The following JMJD1C variants were observed in gnomAD, a reference collection of about 807,000 sequenced individuals.
The protein encoded by JMJD1C is jumonji domain-containing protein 1C.
JMJD1C carries 31 observed loss-of-function variants against 245.3 expected under a neutral mutation model. The ratio of observed to expected loss-of-function variants is 0.13; its 90% CI spans 0.09 to 0.17. JMJD1C has a LOEUF of 0.17. Ranked by LOEUF, JMJD1C falls within the 10% of genes least tolerant of loss-of-function variation. The pLI is 1.00. For missense variants in JMJD1C, 2,691 were observed against 3,000.2 expected, an observed-to-expected ratio of 0.90 and a Z score of 2.41; for synonymous variants, 1,057 against 1,017.4, an observed-to-expected ratio of 1.04 and a Z score of -0.74.
chr10:63,215,710 C>CAAAAA lies in JMJD1C; in HGVS notation c.679-15_679-14insTTTTT. On this transcript the variant is annotated splice_polypyrimidine_tract_variant and intron_variant, in intron 5 of 25. Transcript: ENST00000399262. ...TGGTTCTAGTACCTAATCCATGATACAAAACAAAAACAAAAATTAAATAGA... is the reference window on the plus strand; with the variant it reads ...TGGTTCTAGTACCTAATCCATGATACAAAAAAAAACAAAAACAAAAATTAAATAGA... 6 of 1,507,194 alleles carry CAAAAA rather than the reference C, an allele frequency of 4.0e-6. No homozygotes were observed. The highest frequency in any genetic ancestry group is 5.4e-6 in the Non-Finnish European group (6 of 1,119,338). The allele number at this position is 1,507,194 out of a possible 1,614,324, so 93.4% of individuals were successfully genotyped here.
intron 1 of JMJD1C, among the ~76,000 whole-genome samples, chr10:63,408,964 G>A (rs1031924967): frequency 1.3e-5 from 2 of 152,202 alleles, no homozygotes; most frequent in Middle Eastern, 6.8e-3. Context: ...ACGTAACTTA[G>A]GGAGTATCTG....
intron 20 of JMJD1C, among the ~76,000 whole-genome samples, 196 bp from the exon 21 acceptor site, chr10:63,184,934 T>C (rs926897051): frequency 6.6e-6 from 1 of 152,086 alleles, no homozygotes; most frequent in African/African-American, 2.4e-5. Context: ...AAAGCTCCAA[T>C]AGAAGGGAGG....
intron 1 of JMJD1C, among the ~76,000 whole-genome samples, chr10:63,416,712 T>G (rs1483973883): frequency 6.6e-6 from 1 of 152,206 alleles, no homozygotes; most frequent in Non-Finnish European, 1.5e-5. Flanking sequence ...ATAACTTAGC[T>G]TTGTAATAAA....
At chr10:63,253,682 G>A (rs924259800) in intron 3 of JMJD1C, among the ~76,000 whole-genome samples, 1 of 152,028 alleles carries the variant, frequency 6.6e-6, no homozygotes, top group African/African-American at 2.4e-5. Context: ...CACCGCGCCC[G>A]GCCTCATTTT....
intron 1 of JMJD1C, among the ~76,000 whole-genome samples, chr10:63,438,006 C>G (rs969045916): frequency 1.3e-5 from 2 of 152,140 alleles, no homozygotes; most frequent in African/African-American, 4.8e-5. Flanking sequence ...TCAACTCATT[C>G]AGTCTGATAG....
chr10:63,355,894 G>T (rs183539848), intron 2 of JMJD1C, among the ~76,000 whole-genome samples: 22 of 152,180 alleles, frequency 1.4e-4, no homozygotes, highest in African/African-American at 4.8e-4. Context: ...AAAGCCCAAA[G>T]AAACCACAAT....
At position 63,206,974 on chromosome 10, in the gene JMJD1C, A is replaced by C. The variant is rs1163608474; in HGVS notation, c.4695T>G (p.Thr1565=). 28 of 1,611,338 alleles carry C rather than the reference A, an allele frequency of 1.7e-5. No homozygotes were observed. The highest frequency in any genetic ancestry group is 2.3e-5 in the Non-Finnish European group (27 of 1,179,326). The change falls in exon 10 of 26, where the codon ACT becomes ACG. Residue 1565 remains threonine (T), a synonymous_variant. Transcript: ENST00000399262. The part of the protein sequence containing the change: ...LTRHSEEDKN[T]NKMENSGNSV... ...AATTCCCTGAATTTTCCATTTTATT[A>C]GTATTTTTATCTTCTTCTGAGTGTC... is the stretch of plus-strand genomic sequence containing the variant.
chr10:63,243,126 A>ATATATATATATATAT (rs1564669004), intron 3 of JMJD1C, among the ~76,000 whole-genome samples: 8 of 43,056 alleles, frequency 1.9e-4, no homozygotes, highest in South Asian at 8.7e-4. Flanking sequence ...TATATATATA[A>ATATATATATATATAT]ATATATATAT....
chr10:63,360,807 CAG>C (rs1449475392), intron 2 of JMJD1C, among the ~76,000 whole-genome samples: 1 of 151,786 alleles, frequency 6.6e-6, no homozygotes, highest in African/African-American at 2.4e-5. Context: ...ATTTTTGAGA[CAG>C]AGTCTCACTC....
intron 1 of JMJD1C, among the ~76,000 whole-genome samples, chr10:63,433,744 T>C (rs941222532): frequency 6.6e-6 from 1 of 151,224 alleles, no homozygotes; most frequent in Non-Finnish European, 1.5e-5. Context: ...TACCACCACA[T>C]GCAGTTAATT....
At chr10:63,396,734 G>T (rs998260583) in intron 1 of JMJD1C, among the ~76,000 whole-genome samples, 1 of 151,388 alleles carries the variant, frequency 6.6e-6, no homozygotes, top group Admixed American at 6.6e-5. Context: ...GTAGAGAAGA[G>T]AAACTAATAA....
At chr10:63,468,549 C>G (rs1409900172), upstream of JMJD1C, among the ~76,000 whole-genome samples, 2 of 152,088 alleles carry the variant, frequency 1.3e-5, no homozygotes, top group Non-Finnish European at 2.9e-5. Flanking sequence ...TACTCGGAAA[C>G]AGAAGAGTAA....
chr10:63,421,564 A>C (rs1950128280), intron 1 of JMJD1C, among the ~76,000 whole-genome samples: 1 of 152,210 alleles, frequency 6.6e-6, no homozygotes, highest in African/African-American at 2.4e-5. Flanking sequence ...TACTTTGTGT[A>C]CTTTTTGTTA....
At position 63,420,840 on chromosome 10, in the gene JMJD1C, C is replaced by G. The variant is rs180971697; in HGVS notation, c.169-40358G>C. 6.6e-4 allele frequency among the ~76,000 whole-genome samples: 100 copies of G among 150,584 alleles called. 1 individual carries two copies. The highest frequency in any genetic ancestry group is 6.3e-3 in the South Asian group (30 of 4,792). On this transcript the variant is annotated intron_variant, in intron 1 of 25. Coordinates refer to ENST00000399262, the MANE Select transcript of JMJD1C (RefSeq NM_032776.3). ...AAGTAAAAGGAAAGAAAATAAAGAGCAGAGCAGAAAACAACAAAGTACAAA... is the reference window on the plus strand; with the variant it reads ...AAGTAAAAGGAAAGAAAATAAAGAGGAGAGCAGAAAACAACAAAGTACAAA...
chr10:63,396,813 A>G (rs992644750), intron 1 of JMJD1C, among the ~76,000 whole-genome samples: 6 of 151,840 alleles, frequency 4.0e-5, no homozygotes, highest in African/African-American at 1.5e-4. Context: ...AAAAAAAAGT[A>G]TAAAATTTAA....
intron 10 of JMJD1C, chr10:63,202,437 C>CATT: frequency 1.0e-6 from 1 of 985,296 alleles, no homozygotes; most frequent in African/African-American, 1.7e-5. Context: ...GTTTTCTAAT[C>CATT]ATGCCCAATG....
intron 10 of JMJD1C, among the ~76,000 whole-genome samples, chr10:63,200,906 G>A (rs895552699): frequency 1.3e-5 from 2 of 152,144 alleles, no homozygotes; most frequent in Non-Finnish European, 2.9e-5. Flanking sequence ...TTATGTCAGT[G>A]TACTGAAAAT....
At chr10:63,194,179 T>C (rs1845179930) in intron 14 of JMJD1C, 107 bp downstream of exon 14, 2 of 742,088 alleles carry the variant, frequency 2.7e-6, no homozygotes, top group Non-Finnish European at 4.9e-6. Context: ...AATTCAAAAC[T>C]AGTTAAATCT....
intron 3 of JMJD1C, among the ~76,000 whole-genome samples, chr10:63,242,913 C>T (rs1851668542): frequency 6.6e-6 from 1 of 151,406 alleles, no homozygotes; most frequent in Non-Finnish European, 1.5e-5. Flanking sequence ...TGATATCATA[C>T]CTATTTTATA....
Sources: allele counts gnomAD v4.1 joint callset (sites outside exome capture counted in the v4.1 genomes callset), GRCh38; gene constraint gnomAD v4.1.1; transcripts MANE v1.5; gene names NCBI Gene and HGNC (gene_info 2026-07-23, HGNC 2026-07-21).